Variants in LRRC7 observed in about 807,000 individuals in gnomAD.
LRRC7 encodes leucine rich repeat containing 7, also known as leucine-rich repeat-containing protein 7.
Under a neutral mutation model 175.7 loss-of-function variants are expected in LRRC7, and 23 were observed. That is an observed-to-expected ratio of 0.13 (90% CI 0.09 to 0.19). The LOEUF is 0.19. Ranked by LOEUF, LRRC7 falls within the 10% of genes least tolerant of loss-of-function variation. The probability of loss-of-function intolerance (pLI) is 1.00; values close to 1 mark genes in which losing one functional copy is unlikely to be tolerated. For synonymous variants in LRRC7, 685 were observed against 680.9 expected, an observed-to-expected ratio of 1.01 and a Z score of -0.09; for missense variants, 1,354 against 1,904.7, an observed-to-expected ratio of 0.71 and a Z score of 5.38.
intron 4 of LRRC7, among the ~76,000 whole-genome samples, chr1:69,811,496 A>C (rs750260560): frequency 2.6e-5 from 4 of 152,158 alleles, no homozygotes; most frequent in Non-Finnish European, 5.9e-5. Flanking sequence ...CACTATTCAC[A>C]ATAGCAAAGA....
intron 1 of LRRC7, among the ~76,000 whole-genome samples, chr1:69,584,003 G>T (rs1174691257): frequency 6.6e-6 from 1 of 152,152 alleles, no homozygotes; most frequent in Non-Finnish European, 1.5e-5. Context: ...CACAACTCTA[G>T]GGTAATCTGC....
chr1:69,636,944 T>G (rs990786829), intron 1 of LRRC7, among the ~76,000 whole-genome samples: 6 of 152,122 alleles, frequency 3.9e-5, no homozygotes, highest in African/African-American at 1.4e-4. Context: ...GTTTCAACTT[T>G]GTTTATGAAT....
intron 4 of LRRC7, among the ~76,000 whole-genome samples, chr1:69,812,809 C>T (rs1200744727): frequency 6.6e-6 from 1 of 151,992 alleles, no homozygotes; most frequent in Non-Finnish European, 1.5e-5. Flanking sequence ...AATTTTTATG[C>T]ACTTGAGAGA....
chr1:69,665,053 G>A (rs2100548823), intron 1 of LRRC7, among the ~76,000 whole-genome samples: 1 of 152,068 alleles, frequency 6.6e-6, no homozygotes, highest in Middle Eastern at 3.4e-3. Context: ...ACCATTAATT[G>A]AAGAAACTGT....
intron 7 of LRRC7, among the ~76,000 whole-genome samples, chr1:69,903,236 CA>C (rs1054539915): frequency 7.9e-5 from 12 of 152,142 alleles, no homozygotes; most frequent in African/African-American, 2.9e-4. Flanking sequence ...AAGAGACCAA[CA>C]CAGAAGGCAG....
chr1:69,881,714 CA>C (rs769065058), intron 7 of LRRC7, among the ~76,000 whole-genome samples: 5 of 93,548 alleles, frequency 5.3e-5, no homozygotes, highest in African/African-American at 7.9e-5. Flanking sequence ...CCCATCTCTA[CA>C]AAAAAAAAAA....
intron 4 of LRRC7, among the ~76,000 whole-genome samples, chr1:69,794,927 T>C (rs776121893): frequency 2.4e-4 from 36 of 152,246 alleles, no homozygotes; most frequent in Non-Finnish European, 4.3e-4. Flanking sequence ...CTGTATTTTC[T>C]GGAAATATTT....
chr1:69,826,195 G>A (rs1436373535), intron 5 of LRRC7, among the ~76,000 whole-genome samples: 3 of 152,052 alleles, frequency 2.0e-5, no homozygotes, highest in African/African-American at 7.2e-5. Context: ...AAGAGTTTAA[G>A]GTATTGACAA....
At chr1:69,657,212 T>C (rs1347733917) in intron 1 of LRRC7, among the ~76,000 whole-genome samples, 2 of 151,762 alleles carry the variant, frequency 1.3e-5, no homozygotes, top group East Asian at 3.9e-4. Flanking sequence ...TGATAAACAT[T>C]CCTAACATAT....
chr1:70,096,401 T>TA (rs1664400883), intron 25 of LRRC7, among the ~76,000 whole-genome samples: 1 of 152,202 alleles, frequency 6.6e-6, no homozygotes, highest in Non-Finnish European at 1.5e-5. Flanking sequence ...TCGTGTTGAA[T>TA]AAACCCATCG....
chr1:69,776,004 G>A (rs568043727), intron 3 of LRRC7, among the ~76,000 whole-genome samples: 3 of 152,210 alleles, frequency 2.0e-5, no homozygotes, highest in Admixed American at 6.5e-5. Flanking sequence ...TCCCAATAGA[G>A]CCTCTAATTA....
chr1:69,911,360 C>A (rs115817143), intron 7 of LRRC7, among the ~76,000 whole-genome samples: 1,894 of 152,286 alleles, frequency 0.012, 33 homozygotes, highest in African/African-American at 0.043. Flanking sequence ...GTTGTAAGTT[C>A]TTTGAGAAAT....
intron 7 of LRRC7, among the ~76,000 whole-genome samples, chr1:69,882,508 T>A (rs1010628676): frequency 6.6e-5 from 10 of 152,018 alleles, no homozygotes; most frequent in African/African-American, 2.4e-4. Context: ...TATATGTACA[T>A]ACCTACACAC....
intron 11 of LRRC7, among the ~76,000 whole-genome samples, chr1:70,008,484 A>C (rs1264622043): frequency 6.6e-6 from 1 of 152,184 alleles, no homozygotes; most frequent in East Asian, 1.9e-4. Flanking sequence ...TGAATGTTTT[A>C]AATTGTATGT....
At chr1:69,765,641 T>A (rs1292199270) in intron 3 of LRRC7, among the ~76,000 whole-genome samples, 1 of 152,086 alleles carries the variant, frequency 6.6e-6, no homozygotes, top group East Asian at 1.9e-4. Flanking sequence ...CATTCAACAC[T>A]TGGCTAGGAG....
At chr1:69,673,293 G>A (rs1659350350) in intron 1 of LRRC7, among the ~76,000 whole-genome samples, 3 of 152,154 alleles carry the variant, frequency 2.0e-5, no homozygotes, top group African/African-American at 7.2e-5. Context: ...AGAATGTCAT[G>A]GACACTTTTT....
At chr1:69,696,816 A>G (rs1204863185) in intron 2 of LRRC7, among the ~76,000 whole-genome samples, 1 of 152,202 alleles carries the variant, frequency 6.6e-6, no homozygotes, top group South Asian at 2.1e-4. Context: ...GCCTTCTGCC[A>G]TGAATTTATA....
intron 2 of LRRC7, among the ~76,000 whole-genome samples, 180 bp from the exon 3 acceptor site, chr1:69,760,011 T>G (rs1670864366): frequency 6.6e-6 from 1 of 152,002 alleles, no homozygotes; most frequent in African/African-American, 2.4e-5. Flanking sequence ...ATAAAACCTA[T>G]TTCACGTACT....
intron 1 of LRRC7, among the ~76,000 whole-genome samples, chr1:69,580,162 C>T (rs984255943): frequency 3.3e-5 from 5 of 151,952 alleles, no homozygotes; most frequent in African/African-American, 1.2e-4. Flanking sequence ...CCTACTCTTC[C>T]CTCCTTCTCA....
Sources: allele counts gnomAD v4.1 joint callset (sites outside exome capture counted in the v4.1 genomes callset), GRCh38; gene constraint gnomAD v4.1.1; transcripts MANE v1.5; gene names NCBI Gene and HGNC (gene_info 2026-07-23, HGNC 2026-07-21).